MTCL2: variants seen among roughly 807,000 people sequenced by gnomAD.
The protein encoded by MTCL2 is microtubule cross-linking factor 2.
At chr20:36,862,620 G>T in the MTCL2 span, 1 of 1,466,364 alleles carries the variant, frequency 6.8e-7, no homozygotes, top group South Asian at 1.3e-5. Flanking sequence ...GACAGCCGGC[G>T]ACCCCTGCGA....
chr20:36,839,479 A>G, the MTCL2 span: 3 of 1,593,498 alleles, frequency 1.9e-6, no homozygotes, highest in Admixed American at 1.7e-5. The surrounding 1 kb of genome is among the most constrained non-coding windows in gnomAD (Gnocchi z 5.1). Flanking sequence ...CTGGGCCCAC[A>G]GTAGCAGCTA....
At chr20:36,858,682 T>A in the MTCL2 span, among the ~76,000 whole-genome samples, 1 of 152,206 alleles carries the variant, frequency 6.6e-6, no homozygotes, top group Non-Finnish European at 1.5e-5. Context: ...ATAATAACAA[T>A]TCCTCAGGCG....
At chr20:36,832,647 A>T in the MTCL2 span, among the ~76,000 whole-genome samples, 1 of 152,194 alleles carries the variant, frequency 6.6e-6, no homozygotes, top group Non-Finnish European at 1.5e-5. Context: ...CAGCCTGGCC[A>T]ACATGGTAAA....
the MTCL2 span, among the ~76,000 whole-genome samples, chr20:36,825,963 A>G: frequency 6.6e-6 from 1 of 151,184 alleles, no homozygotes; most frequent in African/African-American, 2.4e-5. Context: ...TACAAGCTTT[A>G]CCTCTTTTAA....
At chr20:36,833,172 C>T in the MTCL2 span, among the ~76,000 whole-genome samples, 8 of 152,084 alleles carry the variant, frequency 5.3e-5, no homozygotes, top group African/African-American at 9.7e-5. Context: ...CTGATTTTGC[C>T]GTATAGGCCC....
At chr20:36,780,082 G>A in the MTCL2 span, 2 of 152,200 alleles carry the variant, frequency 1.3e-5, no homozygotes, top group Admixed American at 1.3e-4. Context: ...AGACCTGTTA[G>A]GAGTCAGGAA....
At chr20:36,852,201 G>T in the MTCL2 span, among the ~76,000 whole-genome samples, 1 of 152,052 alleles carries the variant, frequency 6.6e-6, no homozygotes, top group Non-Finnish European at 1.5e-5. Context: ...CCTCCGCCTG[G>T]CCCGCCTGCT....
At chr20:36,853,454 G>A in the MTCL2 span, among the ~76,000 whole-genome samples, 201 of 152,280 alleles carry the variant, frequency 1.3e-3, 1 homozygote, top group Non-Finnish European at 2.3e-3. Context: ...CAATGGTGAC[G>A]ATAACAATAG....
chr20:36,791,215 A>G, the MTCL2 span, among the ~76,000 whole-genome samples: 1 of 151,766 alleles, frequency 6.6e-6, no homozygotes, highest in African/African-American at 2.4e-5. Context: ...TTGTATTTTT[A>G]GTACAGACAG....
chr20:36,807,741 A>G, the MTCL2 span, among the ~76,000 whole-genome samples: 1 of 151,826 alleles, frequency 6.6e-6, no homozygotes, highest in African/African-American at 2.4e-5. Context: ...TTAAGTAAAC[A>G]TATCTTTTGG....
At chr20:36,837,448 C>T in the MTCL2 span, among the ~76,000 whole-genome samples, 1 of 152,074 alleles carries the variant, frequency 6.6e-6, no homozygotes, top group East Asian at 1.9e-4. Context: ...CCTTGACCTT[C>T]GGCAGGTATT....
the MTCL2 span, among the ~76,000 whole-genome samples, chr20:36,787,223 G>A: frequency 2.0e-5 from 3 of 151,420 alleles, no homozygotes; most frequent in Non-Finnish European, 2.9e-5. Flanking sequence ...TACCCAATTC[G>A]CTTTTTTTAT....
chr20:36,810,717 CCTCTCT>C, the MTCL2 span, among the ~76,000 whole-genome samples: 286 of 94,258 alleles, frequency 3.0e-3, 1 homozygote, highest in Middle Eastern at 0.01. Context: ...TCTCTCTCTC[CCTCTCT>C]CTCTCTCTCT....
At chr20:36,840,201 G>GTC in the MTCL2 span, among the ~76,000 whole-genome samples, 2 of 143,098 alleles carry the variant, frequency 1.4e-5, no homozygotes, top group African/African-American at 5.2e-5. Flanking sequence ...GTCTCGCTCT[G>GTC]TCGCCCAGGC....
At chr20:36,784,832 C>T in the MTCL2 span, 6 of 985,348 alleles carry the variant, frequency 6.1e-6, no homozygotes, top group Admixed American at 1.2e-4. Flanking sequence ...TGGTGAGAAC[C>T]GAGGCAGGCT....
chr20:36,794,934 T>A, the MTCL2 span, among the ~76,000 whole-genome samples: 3 of 150,090 alleles, frequency 2.0e-5, no homozygotes, highest in Non-Finnish European at 4.4e-5. This position sits in a 1 kb window ranked among gnomAD's most constrained non-coding sequence, Gnocchi z 5.4. Context: ...AAACCTGGCT[T>A]TTTTTTTTCT....
chr20:36,802,978 G>A, the MTCL2 span: 20 of 1,590,592 alleles, frequency 1.3e-5, no homozygotes, highest in Admixed American at 1.1e-4. Context: ...TGCAGCTGCC[G>A]AGTCAGCTCC....
At chr20:36,833,972 G>A in the MTCL2 span, among the ~76,000 whole-genome samples, 7 of 152,128 alleles carry the variant, frequency 4.6e-5, no homozygotes, top group African/African-American at 1.4e-4. Context: ...AGACCAGACC[G>A]GTCAACACGG....
chr20:36,849,258 C>T, the MTCL2 span, among the ~76,000 whole-genome samples: 1 of 151,324 alleles, frequency 6.6e-6, no homozygotes, highest in Middle Eastern at 3.5e-3. Context: ...GACGGGGTTT[C>T]GCCTCGTTAG....
Sources: allele counts gnomAD v4.1 joint callset (sites outside exome capture counted in the v4.1 genomes callset), GRCh38; gene constraint gnomAD v4.1.1; non-coding constraint Gnocchi (gnomAD v3.1); transcripts MANE v1.5; gene names NCBI Gene and HGNC (gene_info 2026-07-23, HGNC 2026-07-21).